CDH12: variants seen among roughly 807,000 people sequenced by gnomAD.
CDH12 encodes cadherin-12.
A neutral mutation model predicts 74.1 loss-of-function variants in CDH12; 41 were observed. The observed-to-expected ratio is 0.55, with a 90% confidence interval of 0.43 to 0.72. CDH12 has a LOEUF of 0.72. Ranked by LOEUF, CDH12 falls within the 30% of genes least tolerant of loss-of-function variation. The pLI, the probability that CDH12 is intolerant of heterozygous loss-of-function variation, is 0.00. For synonymous variants in CDH12, 399 were observed against 355.0 expected, an observed-to-expected ratio of 1.12 and a Z score of -1.39; for missense variants, 945 against 977.2, an observed-to-expected ratio of 0.97 and a Z score of 0.44.
intron 3 of CDH12, among the ~76,000 whole-genome samples, chr5:22,293,338 G>C (rs771756431): frequency 2.6e-5 from 4 of 152,130 alleles, no homozygotes; most frequent in Non-Finnish European, 5.9e-5. Context: ...TTCTGCAGAA[G>C]TAAATTTGCC....
rs543910610 is a variant in CDH12, at chr5:22,574,073, CTTTTTTTTTTT to C, written c.-522-68720_-522-68710del. Among the ~76,000 whole-genome samples the C allele has an allele frequency of 1.5e-4, 13 of 87,460 alleles. No individual in the cohort carries two copies. In the South Asian group the frequency reaches 4.5e-3, roughly 31 times the overall value. 57.4% of individuals were successfully genotyped at this position (87,460 alleles called of 152,430 possible). A position where few individuals can be genotyped will look rare whatever the true frequency, so the allele number is the denominator to read the frequency against. Reference sequence around the variant, plus strand: ...TGGATACTTTTCTCTGTCTCTCTCTCTTTTTTTTTTTTTTTTTTTTTTTTGAGATGGAGTCT... The same window carrying C: ...TGGATACTTTTCTCTGTCTCTCTCTCTTTTTTTTTTTTTGAGATGGAGTCT... On this transcript the variant is annotated intron_variant, in intron 1 of 14. Transcript: ENST00000382254.
chr5:22,434,097 A>G (rs1047281635), intron 2 of CDH12, among the ~76,000 whole-genome samples: 1 of 152,038 alleles, frequency 6.6e-6, no homozygotes, highest in African/African-American at 2.4e-5. Context: ...AGGATCAAAG[A>G]AAGAGTGAGA....
intron 4 of CDH12, among the ~76,000 whole-genome samples, chr5:22,079,701 A>G (rs569246421): frequency 1.3e-5 from 2 of 152,294 alleles, no homozygotes; most frequent in African/African-American, 4.8e-5. Flanking sequence ...TTTACTCTGC[A>G]TTTAGATAAA....
At chr5:22,571,562 G>A (rs1235498170) in intron 1 of CDH12, among the ~76,000 whole-genome samples, 1 of 152,228 alleles carries the variant, frequency 6.6e-6, no homozygotes, top group Non-Finnish European at 1.5e-5. Context: ...CCTGACCTCA[G>A]GTGTTCCACC....
chr5:21,943,318 T>TTACAGTA (rs1289178802), intron 6 of CDH12, among the ~76,000 whole-genome samples: 11 of 152,222 alleles, frequency 7.2e-5, no homozygotes, highest in Non-Finnish European at 1.5e-5. Context: ...TTTACAAAGT[T>TTACAGTA]TACAGTAAAA....
chr5:21,874,033 C>A (rs1751795463), intron 6 of CDH12, among the ~76,000 whole-genome samples: 1 of 152,140 alleles, frequency 6.6e-6, no homozygotes, highest in East Asian at 1.9e-4. Context: ...GATTTCATGT[C>A]TTTGCTATTG....
In CDH12 at chr5:22,600,273, A is replaced by G. The variant is rs184188929; in HGVS notation, c.-522-94909T>C. Among the ~76,000 whole-genome samples the G allele has an allele frequency of 1.3e-5, 2 of 152,168 alleles. 1 individual carries two copies. Among genetic ancestry groups the G allele is most frequent in the East Asian group, 3.9e-4 (2 of 5,168 alleles). On this transcript the variant is annotated intron_variant, in intron 1 of 14. Coordinates refer to ENST00000382254, the MANE Select transcript of CDH12 (RefSeq NM_004061.5). ...CTATTCGTGTCTCCTCTTAGTTTTG[A>G]TGTTGCTGTTACATATCCCTGAATA...
At chr5:21,761,662 C>T (rs894993027) in intron 12 of CDH12, among the ~76,000 whole-genome samples, 1 of 151,844 alleles carries the variant, frequency 6.6e-6, no homozygotes, top group Non-Finnish European at 1.5e-5. Context: ...TGACTATGAT[C>T]TATGTTCCTG....
intron 7 of CDH12, among the ~76,000 whole-genome samples, chr5:21,849,758 A>T (rs1750365557): frequency 2.0e-5 from 3 of 151,778 alleles, no homozygotes. Context: ...ATTAATATCA[A>T]AAGAATGCTC....
intron 3 of CDH12, among the ~76,000 whole-genome samples, chr5:22,395,352 G>A (rs1240587655): frequency 3.3e-5 from 5 of 152,224 alleles, no homozygotes; most frequent in South Asian, 2.1e-4. Flanking sequence ...CCCATTCAGC[G>A]TCTGGAGGCA....
chr5:22,636,573 A>G (rs1359821392), intron 1 of CDH12, among the ~76,000 whole-genome samples: 4 of 152,226 alleles, frequency 2.6e-5, no homozygotes, highest in African/African-American at 9.6e-5. Flanking sequence ...TATTTAAAAA[A>G]TGACACGTTG....
intron 1 of CDH12, among the ~76,000 whole-genome samples, chr5:22,588,489 T>G (rs1740522736): frequency 6.6e-6 from 1 of 152,140 alleles, no homozygotes; most frequent in Admixed American, 6.6e-5. Flanking sequence ...ATGAGGCAGA[T>G]CTGGGCCTGA....
chr5:22,326,024 G>A, intron 3 of CDH12, among the ~76,000 whole-genome samples: 1 of 152,038 alleles, frequency 6.6e-6, no homozygotes, highest in Non-Finnish European at 1.5e-5. Context: ...AAAGGAAATG[G>A]GCATAAATAA....
intron 3 of CDH12, among the ~76,000 whole-genome samples, chr5:22,380,637 A>G (rs573206312): frequency 2.0e-5 from 3 of 152,260 alleles, no homozygotes; most frequent in African/African-American, 7.2e-5. Flanking sequence ...TAAGTTTATT[A>G]CAATTACTAA....
rs1399070460 is a variant in CDH12, at chr5:21,942,454, C to A, written c.526+32637G>T. Among the ~76,000 whole-genome samples the A allele has an allele frequency of 2.7e-5, 4 of 150,210 alleles. No individual in the cohort carries two copies. The East Asian group carries it at 7.8e-4, about 29-fold the overall frequency. ...CTAAATCTAGATTTTCTCATTCTCA[C>A]CTAGGTTCTTATATTTTTAATTATA... On this transcript the variant is annotated intron_variant, in intron 6 of 14. Coordinates refer to ENST00000382254, the MANE Select transcript of CDH12 (RefSeq NM_004061.5).
At chr5:22,186,375 T>A (rs1448529064) in intron 4 of CDH12, among the ~76,000 whole-genome samples, 3 of 152,232 alleles carry the variant, frequency 2.0e-5, no homozygotes, top group Non-Finnish European at 2.9e-5. Context: ...AGTCAAGCTG[T>A]GCCAAATGAT....
rs187788020 is a variant in CDH12, at chr5:22,563,636, T to C, written c.-522-58272A>G. ...TCCTTATTATTTTTATTCCTTTTCATGGATATTGTCTTATTTTATTTAAAT... is the reference window on the plus strand; with the variant it reads ...TCCTTATTATTTTTATTCCTTTTCACGGATATTGTCTTATTTTATTTAAAT... On this transcript the variant is annotated intron_variant, in intron 1 of 14. Coordinates refer to ENST00000382254, the MANE Select transcript of CDH12 (RefSeq NM_004061.5). Among the ~76,000 whole-genome samples the C allele has an allele frequency of 2.6e-5, 4 of 152,330 alleles. No homozygotes were observed. The East Asian group carries it at 7.7e-4, about 29-fold the overall frequency.
At chr5:22,505,622 T>C (rs1736352452) in intron 1 of CDH12, among the ~76,000 whole-genome samples, 1 of 152,068 alleles carries the variant, frequency 6.6e-6, no homozygotes, top group African/African-American at 2.4e-5. Flanking sequence ...GATAGATGGA[T>C]CCAAATGAAC....
intron 1 of CDH12, among the ~76,000 whole-genome samples, chr5:22,631,913 T>A (rs956426847): frequency 3.9e-5 from 6 of 152,062 alleles, no homozygotes; most frequent in African/African-American, 1.4e-4. Context: ...TTAAACCATT[T>A]ATGAAGGATG....
Sources: allele counts gnomAD v4.1 joint callset (sites outside exome capture counted in the v4.1 genomes callset), GRCh38; gene constraint gnomAD v4.1.1; transcripts MANE v1.5; gene names NCBI Gene and HGNC (gene_info 2026-07-23, HGNC 2026-07-21).